NELL2: variants seen among roughly 807,000 people sequenced by gnomAD.
The protein encoded by NELL2 is neural EGFL like 2.
NELL2 carries 41 observed loss-of-function variants against 109.6 expected under a neutral mutation model. The ratio of observed to expected loss-of-function variants is 0.37; its 90% CI spans 0.29 to 0.49. The LOEUF (loss-of-function observed/expected upper bound fraction) is 0.49, where lower values mean the gene tolerates loss of function less well. Among genes scored for constraint, NELL2 ranks in the 20% least tolerant of loss-of-function variants. The pLI, the probability that NELL2 is intolerant of heterozygous loss-of-function variation, is 0.98. For missense variants in NELL2, 900 were observed against 1,008.3 expected (o/e 0.89, Z 1.45); for synonymous variants, 355 against 344.7 (o/e 1.03, Z -0.33).
chr12:44,670,890 T>TA (rs1948116446), intron 12 of NELL2, among the ~76,000 whole-genome samples: 1 of 152,130 alleles, frequency 6.6e-6, no homozygotes, highest in East Asian at 1.9e-4. Context: ...GGGCAGATCA[T>TA]ATAGACAGAA....
intron 1 of NELL2, among the ~76,000 whole-genome samples, chr12:44,906,576 T>G (rs924449575): frequency 6.6e-6 from 1 of 151,846 alleles, no homozygotes. Context: ...TCAGAGTAGA[T>G]AGGATTTACT....
At chr12:44,570,424 C>T (rs78252917) in intron 15 of NELL2, among the ~76,000 whole-genome samples, 2,241 of 152,236 alleles carry the variant, frequency 0.015, 44 homozygotes, top group African/African-American at 0.05. Context: ...TGACAGTCTC[C>T]TATTACGTGG....
At chr12:44,918,420 A>G (rs1945844259), upstream of NELL2, among the ~76,000 whole-genome samples, 1 of 151,710 alleles carries the variant, frequency 6.6e-6, no homozygotes, top group Non-Finnish European at 1.5e-5. Context: ...AACATAGACT[A>G]TTGTCATTTA....
In NELL2 at chr12:44,706,728, C is replaced by T. The variant is rs143333982; in HGVS notation, c.1190-2874G>A. Among the ~76,000 whole-genome samples the T allele has an allele frequency of 7.5e-3, 1,136 of 152,120 alleles. 9 individuals carry two copies. The highest frequency in any genetic ancestry group is 0.022 in the African/African-American group (900 of 41,518). On this transcript the variant is annotated intron_variant, in intron 11 of 19. Transcript: ENST00000429094. ...AGCTGAAATTAAATATGTTGAGATC[C>T]ATAAAAGAAAATTCAAATATTTGTT...
chr12:44,701,214 ATTG>A (rs1432602494), intron 12 of NELL2, among the ~76,000 whole-genome samples: 2 of 152,130 alleles, frequency 1.3e-5, no homozygotes, highest in Admixed American at 6.6e-5. Flanking sequence ...CCTGAATAAT[ATTG>A]TTATTTGGAA....
At chr12:44,907,974 G>A (rs1945738668) in intron 1 of NELL2, among the ~76,000 whole-genome samples, 1 of 151,994 alleles carries the variant, frequency 6.6e-6, no homozygotes, top group Non-Finnish European at 1.5e-5. Flanking sequence ...TGGTAGTACA[G>A]GTTTAAGAAT....
At chr12:44,529,898 G>A (rs141642887) in intron 16 of NELL2, among the ~76,000 whole-genome samples, 2 of 152,336 alleles carry the variant, frequency 1.3e-5, no homozygotes. Context: ...AGATATGTCT[G>A]TAGAATCAGA....
At chr12:44,560,634 A>C (rs1943437655) in intron 15 of NELL2, among the ~76,000 whole-genome samples, 1 of 152,196 alleles carries the variant, frequency 6.6e-6, no homozygotes. Context: ...AACCAGGAAG[A>C]AGTCGAATCC....
intron 12 of NELL2, among the ~76,000 whole-genome samples, chr12:44,685,541 A>T (rs1258230607): frequency 6.6e-6 from 1 of 152,168 alleles, no homozygotes; most frequent in Admixed American, 6.5e-5. Context: ...ATGATTTTGC[A>T]GCAGGTGGTA....
intron 15 of NELL2, among the ~76,000 whole-genome samples, chr12:44,596,972 A>G (rs544670894): frequency 6.6e-6 from 1 of 152,346 alleles, no homozygotes; most frequent in East Asian, 1.9e-4. Context: ...CTATAGCAAG[A>G]AGAATTTTAG....
At chr12:44,722,891 T>C (rs1164912526) in intron 9 of NELL2, among the ~76,000 whole-genome samples, 1 of 151,926 alleles carries the variant, frequency 6.6e-6, no homozygotes, top group Non-Finnish European at 1.5e-5. Flanking sequence ...TGAAGAACAT[T>C]TAAAATTCAA....
At chr12:44,740,637 T>C (rs562233007) in intron 9 of NELL2, among the ~76,000 whole-genome samples, 1 of 152,116 alleles carries the variant, frequency 6.6e-6, no homozygotes, top group South Asian at 2.1e-4. Flanking sequence ...GGTTAAAAAG[T>C]ATAAATTCAA....
chr12:44,866,733 A>C (rs546102951), intron 2 of NELL2, among the ~76,000 whole-genome samples: 19 of 152,218 alleles, frequency 1.2e-4, no homozygotes, highest in Non-Finnish European at 1.5e-4. Flanking sequence ...CCTTTAGCTA[A>C]GAAATTTAAG....
rs780143166 is a variant in NELL2, at chr12:44,779,759, T to G, written c.510A>C (p.Lys170Asn). ...GCTTTTCTACTACCCTTTCATAAAT[T>G]CTGCAAAAAAGAAACATCAAAGAAG... ...SHLILHIDCN[K>N]IYERVVEKPS... The change falls in exon 5 of 20, where the codon AAA (lysine) becomes AAC (asparagine). Residue 170 changes from lysine (K) to asparagine (N), a missense_variant and splice_region_variant. Lys to Asn is a moderately conservative substitution (Grantham distance 94). Transcript: ENST00000429094. 1.9e-6 allele frequency: 3 copies of G among 1,613,784 alleles called. No individual in the cohort carries two copies. Among genetic ancestry groups the G allele is most frequent in the Non-Finnish European group, 2.5e-6 (3 of 1,179,826 alleles).
At chr12:44,731,769 A>T (rs1358067923) in intron 9 of NELL2, among the ~76,000 whole-genome samples, 1 of 152,066 alleles carries the variant, frequency 6.6e-6, no homozygotes, top group Non-Finnish European at 1.5e-5. Context: ...AAAAATAAAT[A>T]AAAGGCATCC....
At chr12:44,852,751 G>A (rs530453674) in intron 2 of NELL2, among the ~76,000 whole-genome samples, 4 of 151,884 alleles carry the variant, frequency 2.6e-5, no homozygotes, top group African/African-American at 9.7e-5. Flanking sequence ...CAGAGTGAAT[G>A]CTCATTTTTT....
chr12:44,910,074 A>G (rs1187634759), intron 1 of NELL2, among the ~76,000 whole-genome samples: 1 of 152,096 alleles, frequency 6.6e-6, no homozygotes, highest in East Asian at 1.9e-4. Flanking sequence ...CGGCCTTAGG[A>G]AAGAAGTTAT....
intron 9 of NELL2, among the ~76,000 whole-genome samples, chr12:44,750,021 T>C (rs907440037): frequency 7.9e-5 from 12 of 151,700 alleles, no homozygotes; most frequent in African/African-American, 2.9e-4. Flanking sequence ...TCAAGATATA[T>C]AGAGAAAGAG....
At chr12:44,913,655 C>T (rs934351606) in intron 1 of NELL2, 8 of 396,300 alleles carry the variant, frequency 2.0e-5, no homozygotes, top group Middle Eastern at 7.1e-4. Flanking sequence ...AATTCGTAAA[C>T]GTTAATATAT....
Sources: gnomAD v4.1 joint callset for allele counts (sites outside exome capture counted in the v4.1 genomes callset) on GRCh38, gnomAD v4.1.1 for gene constraint, MANE v1.5 for transcripts, NCBI Gene and HGNC (gene_info 2026-07-23, HGNC 2026-07-21) for gene names.